ZNF169: variants seen among roughly 807,000 people sequenced by gnomAD.
ZNF169 encodes the protein zinc finger protein 169.
A neutral mutation model predicts 12.0 loss-of-function variants in ZNF169; 11 were observed. The observed-to-expected ratio is 0.92, with a 90% CI of 0.58 to 1.52. ZNF169 has a LOEUF of 1.52. ZNF169 is among the 40% of genes most tolerant of loss of function. ZNF169 has a pLI of 0.00. For missense variants in ZNF169, 722 were observed against 744.0 expected (o/e 0.97, Z 0.34); for synonymous variants, 302 against 286.5 (o/e 1.05, Z -0.55).
rs900517900 is a variant in ZNF169, at chr9:94,265,184, C to T, written c.-56+5839C>T. Reference sequence around the variant, plus strand: ...AACTGAGGGTCAGGCTGCTATTTTTCGTGGCCCAATAACGAGATGCAGATG... The same window carrying T: ...AACTGAGGGTCAGGCTGCTATTTTTTGTGGCCCAATAACGAGATGCAGATG... On this transcript the variant is annotated intron_variant, in intron 1 of 4. Coordinates refer to ENST00000395395, the MANE Select transcript of ZNF169 (RefSeq NM_194320.4). 4.6e-5 allele frequency among the ~76,000 whole-genome samples: 7 copies of T among 151,748 alleles called. No individual in the cohort carries two copies. In the East Asian group the frequency reaches 7.7e-4, roughly 17 times the overall value.
intron 1 of ZNF169, 128 bp from the exon 2 acceptor site, chr9:94,278,630 C>T (rs1830565507): frequency 1.9e-6 from 1 of 537,228 alleles, no homozygotes; most frequent in Admixed American, 3.6e-5. Context: ...ATGGGCTTCA[C>T]CGATGCCCTC....
At chr9:94,275,930 T>C (rs1830510233) in intron 1 of ZNF169, among the ~76,000 whole-genome samples, 1 of 151,358 alleles carries the variant, frequency 6.6e-6, no homozygotes, top group Non-Finnish European at 1.5e-5. Context: ...CCTGCTACCA[T>C]GCCCGGCTAG....
intron 1 of ZNF169, among the ~76,000 whole-genome samples, chr9:94,265,761 G>T (rs1461563639): frequency 6.6e-6 from 1 of 152,088 alleles, no homozygotes; most frequent in Non-Finnish European, 1.5e-5. Flanking sequence ...GTGGGTCCAG[G>T]TGCTGGGGTG....
At chr9:94,293,196 G>T in intron 4 of ZNF169, 127 bp downstream of exon 4, 1 of 830,080 alleles carries the variant, frequency 1.2e-6, no homozygotes. Flanking sequence ...CACTGGTAAA[G>T]GCTGCATGGC....
intron 1 of ZNF169, among the ~76,000 whole-genome samples, chr9:94,278,408 G>GGATGCT (rs1251411682): frequency 6.6e-6 from 1 of 152,118 alleles, no homozygotes; most frequent in Non-Finnish European, 1.5e-5. Flanking sequence ...AATATGGATG[G>GGATGCT]GATGCTTTTG....
intron 4 of ZNF169, chr9:94,299,496 T>G (rs1479780499): frequency 6.3e-6 from 8 of 1,265,982 alleles, no homozygotes; most frequent in Non-Finnish European, 8.0e-6. Context: ...GCCGAACAAA[T>G]GTTTCTCAGG....
chr9:94,259,526 G>C (rs1216081075), intron 1 of ZNF169, among the ~76,000 whole-genome samples, 181 bp downstream of exon 1: 3 of 152,236 alleles, frequency 2.0e-5, no homozygotes, highest in Admixed American at 1.3e-4. Flanking sequence ...CCCGGAGAGA[G>C]GTCTTGGCGG....
At chr9:94,293,289 C>A in intron 4 of ZNF169, 1 of 597,742 alleles carries the variant, frequency 1.7e-6, no homozygotes, top group Non-Finnish European at 3.0e-6. Context: ...CAGGGAGCCT[C>A]ACTCCTCACT....
At chr9:94,295,737 T>C (rs557315725) in intron 4 of ZNF169, 67 of 152,392 alleles carry the variant, frequency 4.4e-4, no homozygotes, top group Admixed American at 4.1e-3. Context: ...TTAATTTTTA[T>C]TGCTGAGTAT....
At position 94,292,640 on chromosome 9, in the gene ZNF169, T is replaced by TGTGTGTGTGC. The variant is rs35889937; in HGVS notation, c.160+174_160+175insTGTGTGTGCG. 1,699 of 740,452 alleles carry TGTGTGTGTGC rather than the reference T, an allele frequency of 2.3e-3. 3 individuals are homozygous for TGTGTGTGTGC. The highest frequency in any genetic ancestry group is 8.9e-3 in the East Asian group (317 of 35,772). The allele number at this position is 740,452 out of a possible 1,614,324, so 45.9% of individuals were successfully genotyped here. A position where few individuals can be genotyped will look rare whatever the true frequency, so the allele number is the denominator to read the frequency against. On this transcript the variant is annotated intron_variant, in intron 3 of 4. Coordinates refer to ENST00000395395, the MANE Select transcript of ZNF169 (RefSeq NM_194320.4). ...GTGTGTGTGTGTGTGTGTGTGTGTG[T>TGTGTGTGTGC]GCGCGTGCACATGCTGTGAGCGTGT...
At chr9:94,266,079 T>C (rs3106795) in intron 1 of ZNF169, among the ~76,000 whole-genome samples, 144,378 of 148,304 alleles carry the variant, frequency 0.97, 70,287 homozygotes, top group East Asian at 1. Context: ...GAGAAAGACT[T>C]TGTCTCAAAA....
intron 1 of ZNF169, among the ~76,000 whole-genome samples, chr9:94,277,488 A>C (rs928751754): frequency 6.6e-6 from 1 of 152,174 alleles, no homozygotes; most frequent in Non-Finnish European, 1.5e-5. Flanking sequence ...ACTTTGGGGT[A>C]ATACATTTTG....
intron 1 of ZNF169, among the ~76,000 whole-genome samples, chr9:94,261,011 CG>C (rs974488849): frequency 1.0e-4 from 15 of 143,572 alleles, no homozygotes; most frequent in Admixed American, 7.0e-5. Context: ...TTAGTAGAGA[CG>C]GGGTTTGTTT....
chr9:94,267,862 C>CTTT (rs34734711), intron 1 of ZNF169, among the ~76,000 whole-genome samples: 7,565 of 114,006 alleles, frequency 0.066, 570 homozygotes, highest in African/African-American at 0.15. Flanking sequence ...AAACTGCCTT[C>CTTT]TTTTTTTTTT....
At chr9:94,292,953 G>A in intron 3 of ZNF169, 21 bp from the exon 4 acceptor site, 2 of 1,557,636 alleles carry the variant, frequency 1.3e-6, no homozygotes, top group Non-Finnish European at 1.8e-6. Flanking sequence ...GATCACCTTG[G>A]TTTTTTTTTC....
At chr9:94,280,732 G>T (rs1323032180) in intron 2 of ZNF169, among the ~76,000 whole-genome samples, 1 of 152,142 alleles carries the variant, frequency 6.6e-6, no homozygotes, top group Non-Finnish European at 1.5e-5. Context: ...GCTAGGGTTG[G>T]ACCGCACAGT....
In ZNF169 at chr9:94,301,084, CAGA is replaced by C. The variant is rs1564095392; in HGVS notation, c.1527_1529del (p.Glu512del). The C allele has an allele frequency of 1.2e-6, 2 of 1,614,190 alleles. No individual in the cohort carries two copies. The highest frequency in any genetic ancestry group is 1.3e-5 in the African/African-American group (1 of 75,048). Reference sequence around the variant, plus strand: ...CTCACCCGACACCAGAGGACACACTCAGAGGAGGAGCTTTACGTAGACAGGGTG... The same window carrying C: ...CTCACCCGACACCAGAGGACACACTCGGAGGAGCTTTACGTAGACAGGGTG... On this transcript the variant is annotated inframe_deletion, in exon 5 of 5. Transcript: ENST00000395395.
chr9:94,278,929 G>A, intron 2 of ZNF169, 84 bp downstream of exon 2: 1 of 1,419,910 alleles, frequency 7.0e-7, no homozygotes, highest in East Asian at 2.3e-5. Context: ...TTGGTGTTAG[G>A]CAAAGCCTAT....
chr9:94,281,079 A>C (rs1830622294), intron 2 of ZNF169, among the ~76,000 whole-genome samples: 1 of 152,222 alleles, frequency 6.6e-6, no homozygotes, highest in Non-Finnish European at 1.5e-5. Flanking sequence ...CATCTGTGAA[A>C]AATTGATGAA....
Sources: gnomAD v4.1 joint callset for allele counts (sites outside exome capture counted in the v4.1 genomes callset) on GRCh38, gnomAD v4.1.1 for gene constraint, MANE v1.5 for transcripts, NCBI Gene and HGNC (gene_info 2026-07-23, HGNC 2026-07-21) for gene names.